The following PTAR1 variants were observed in gnomAD, a reference collection of about 807,000 sequenced individuals.
The protein encoded by PTAR1 is protein prenyltransferase alpha subunit repeat-containing protein 1.
In PTAR1, 17 loss-of-function variants were observed where a neutral mutation model predicts 45.5. That is an observed-to-expected ratio of 0.37 (90% CI 0.26 to 0.56). The LOEUF (loss-of-function observed/expected upper bound fraction) is 0.56. Among genes scored for constraint, PTAR1 ranks in the 20% least tolerant of loss-of-function variants. The pLI is 0.77. For synonymous variants in PTAR1, 169 were observed against 171.3 expected (o/e 0.99, Z 0.11); for missense variants, 391 against 476.3 (o/e 0.82, Z 1.67).
intron 3 of PTAR1, among the ~76,000 whole-genome samples, chr9:69,737,898 C>T (rs1825864912): frequency 6.6e-6 from 1 of 152,002 alleles, no homozygotes; most frequent in Non-Finnish European, 1.5e-5. Flanking sequence ...TCCCATATGC[C>T]CTGTACCTAG....
chr9:69,711,040 T>G lies in PTAR1; in HGVS notation c.*7302A>C, dbSNP rs1824503852. On this transcript the variant is annotated 3_prime_UTR_variant, in exon 8 of 8. Coordinates refer to ENST00000340434, the MANE Select transcript of PTAR1 (RefSeq NM_001099666.2). ...CACAAAATTCGAGTCAAAAAAAAAT[T>G]AGACGCTATTAAAATCATAACTGGC... 6.6e-6 allele frequency: 1 copy of G among 152,138 alleles called. No individual in the cohort carries two copies. Among genetic ancestry groups the G allele is most frequent in the African/African-American group, 2.4e-5 (1 of 41,452 alleles). 9.4% of individuals were successfully genotyped at this position (152,138 alleles called of 1,614,324 possible). A position where few individuals can be genotyped will look rare whatever the true frequency, so the allele number is the denominator to read the frequency against.
chr9:69,717,476 C>T lies in PTAR1; in HGVS notation c.*866G>A, dbSNP rs1824774365. On this transcript the variant is annotated 3_prime_UTR_variant, in exon 8 of 8. Coordinates refer to ENST00000340434, the MANE Select transcript of PTAR1 (RefSeq NM_001099666.2). ...TTCCTTTACTGCAATTACATAAACTCTTAAGTTAGTTTTTTCTTAAATAAC... is the reference window on the plus strand; with the variant it reads ...TTCCTTTACTGCAATTACATAAACTTTTAAGTTAGTTTTTTCTTAAATAAC... 1 of 152,030 alleles carries T rather than the reference C, an allele frequency of 6.6e-6. No individual in the cohort carries two copies. The highest frequency in any genetic ancestry group is 1.5e-5 in the Non-Finnish European group (1 of 68,014). The allele number at this position is 152,030 out of a possible 1,614,324, so 9.4% of individuals were successfully genotyped here. A position where few individuals can be genotyped will look rare whatever the true frequency, so the allele number is the denominator to read the frequency against.
Position 69,718,352 on chromosome 9 carries a change from A to C in PTAR1, c.1199T>G (p.Leu400Trp). 1 of 1,600,772 alleles carries C rather than the reference A, an allele frequency of 6.2e-7. No homozygotes were observed. Among genetic ancestry groups the C allele is most frequent in the Non-Finnish European group, 8.5e-7 (1 of 1,171,530 alleles). Residue 400 changes from leucine (L) to tryptophan (W), a missense_variant, in exon 8 of 8, where the codon TTG becomes TGG. By Grantham distance (61) the Leu-to-Trp change is moderately conservative (BLOSUM62 -2). Coordinates refer to ENST00000340434, the MANE Select transcript of PTAR1 (RefSeq NM_001099666.2). ...ACTAATTCACCTCTTTCATTGACTCAAAGTAACCAGCCATTTCCTGTATGC... is the reference window on the plus strand; with the variant it reads ...ACTAATTCACCTCTTTCATTGACTCCAAGTAACCAGCCATTTCCTGTATGC... Reference protein sequence around the residue: ...ASAYRKWLVTLSQ With the variant: ...ASAYRKWLVTWSQ
intron 5 of PTAR1, among the ~76,000 whole-genome samples, chr9:69,726,778 T>C: frequency 6.6e-6 from 1 of 152,074 alleles, no homozygotes; most frequent in East Asian, 1.9e-4. Flanking sequence ...CTTTTATGAA[T>C]TATCTAATTT....
At chr9:69,757,549 A>G (rs1462106785) in intron 1 of PTAR1, 2 of 152,188 alleles carry the variant, frequency 1.3e-5, no homozygotes, top group Admixed American at 6.5e-5. Context: ...AACAAAATCC[A>G]CATCTCACCA....
Position 69,723,365 on chromosome 9 carries a change from A to T in PTAR1, c.908T>A (p.Ile303Asn). Residue 303 changes from isoleucine to asparagine, a missense_variant, in exon 6 of 8, where the codon ATT (isoleucine) becomes AAT (asparagine). Ile to Asn is a moderately radical substitution (Grantham distance 149, BLOSUM62 -3). This residue lies in a region of PTAR1 where 181 missense variants were observed against 227.7 expected (regional missense o/e 0.80). Transcript: ENST00000340434. ...EEEVEFSTDL[I>N]DSYPGHETLW... ...GGTTTCATGTCCTGGGTAGGAATCA[A>T]TAAGATCAGTGCTGAATTCAACTTC... The T allele has an allele frequency of 6.2e-7, 1 of 1,613,910 alleles. No individual in the cohort carries two copies. Among genetic ancestry groups the T allele is most frequent in the Non-Finnish European group, 8.5e-7 (1 of 1,179,824 alleles).
intron 3 of PTAR1, among the ~76,000 whole-genome samples, chr9:69,738,184 T>C (rs1397185160): frequency 1.3e-5 from 2 of 152,224 alleles, no homozygotes; most frequent in Non-Finnish European, 2.9e-5. Context: ...ATAATGTTTT[T>C]CTCATCATTA....
chr9:69,734,316 G>A, intron 3 of PTAR1, 62 bp from the exon 4 acceptor site: 1 of 659,972 alleles, frequency 1.5e-6, no homozygotes, highest in Non-Finnish European at 2.3e-6. Context: ...ATATCCAAAG[G>A]TTCTACATGG....
rs868769409 is a variant in PTAR1, at chr9:69,711,478, A to T, written c.*6864T>A. On this transcript the variant is annotated 3_prime_UTR_variant, in exon 8 of 8. Coordinates refer to ENST00000340434, the MANE Select transcript of PTAR1 (RefSeq NM_001099666.2). Reference sequence around the variant, plus strand: ...TTCACAAAAAGTTCTTCCTCATGCCAAAGATGTTCTGAGAAAACAAGCAGA... The same window carrying T: ...TTCACAAAAAGTTCTTCCTCATGCCTAAGATGTTCTGAGAAAACAAGCAGA... 6.6e-6 allele frequency: 1 copy of T among 152,204 alleles called. No homozygotes were observed. The highest frequency in any genetic ancestry group is 1.9e-4 in the East Asian group (1 of 5,196). 9.4% of individuals were successfully genotyped at this position (152,204 alleles called of 1,614,324 possible).
intron 5 of PTAR1, among the ~76,000 whole-genome samples, chr9:69,724,867 C>T (rs1369964153): frequency 6.6e-6 from 1 of 152,236 alleles, no homozygotes; most frequent in East Asian, 1.9e-4. Flanking sequence ...AGATTACTTC[C>T]AGCCAAGATA....
chr9:69,743,280 T>C (rs1019187035), intron 2 of PTAR1, among the ~76,000 whole-genome samples: 4 of 152,186 alleles, frequency 2.6e-5, no homozygotes, highest in African/African-American at 7.2e-5. Flanking sequence ...AACATCAAAA[T>C]TGTTTCCAAC....
Position 69,716,956 on chromosome 9 carries a change from AAAG to A in PTAR1, c.*1383_*1385del, listed in dbSNP as rs1342623600. The A allele has an allele frequency of 2.0e-5, 3 of 152,186 alleles. No homozygotes were observed. Among genetic ancestry groups the A allele is most frequent in the Admixed American group, 2.0e-4 (3 of 15,262 alleles). The allele number at this position is 152,186 out of a possible 1,614,324, so 9.4% of individuals were successfully genotyped here. ...TGGATTGGCAAAACAAAGTATATGA[AAAG>A]AAGAAACAGACCACTTACAAAAGGG... On this transcript the variant is annotated 3_prime_UTR_variant, in exon 8 of 8. Transcript: ENST00000340434.
In PTAR1 at chr9:69,710,536, C is replaced by G. The variant is rs111747634; in HGVS notation, c.*7806G>C. ...CACTCTGGGGTACTAACTTGAACTC[C>G]CAGAAACCCATAAGCACACTCTGCA... On this transcript the variant is annotated 3_prime_UTR_variant, in exon 8 of 8. Transcript: ENST00000340434. 6 of 152,052 alleles carry G rather than the reference C, an allele frequency of 3.9e-5. No homozygotes were observed. Among genetic ancestry groups the G allele is most frequent in the South Asian group, 2.1e-4 (1 of 4,816 alleles). 9.4% of individuals were successfully genotyped at this position (152,052 alleles called of 1,614,324 possible). A position where few individuals can be genotyped will look rare whatever the true frequency, so the allele number is the denominator to read the frequency against.
rs140491351 is a variant in PTAR1 at position 69,729,707 on chromosome 9, C to T, written c.642+2432G>A. ...GCTAAGCAACTTCCTCAAGGCTACA[C>T]AGCAAATTGGTGGTAAAGCCAGAAT... is the stretch of plus-strand genomic sequence containing the variant. On this transcript the variant is annotated intron_variant, in intron 5 of 7. Coordinates refer to ENST00000340434, the MANE Select transcript of PTAR1 (RefSeq NM_001099666.2). Among the ~76,000 whole-genome samples the T allele has an allele frequency of 3.4e-3, 512 of 152,268 alleles. 1 individual carries two copies. Among genetic ancestry groups the T allele is most frequent in the African/African-American group, 0.011 (472 of 41,548 alleles).
At chr9:69,737,856 C>T (rs1369431901) in intron 3 of PTAR1, among the ~76,000 whole-genome samples, 3 of 152,048 alleles carry the variant, frequency 2.0e-5, no homozygotes, top group African/African-American at 2.4e-5. Context: ...GTTTCAGGTT[C>T]GTAAACAAGT....
intron 1 of PTAR1, among the ~76,000 whole-genome samples, chr9:69,751,484 C>G (rs1337140174): frequency 6.6e-6 from 1 of 151,882 alleles, no homozygotes; most frequent in Non-Finnish European, 1.5e-5. Flanking sequence ...AGCACAAATC[C>G]TTTTGTATAA....
chr9:69,734,324 T>A, intron 3 of PTAR1, 70 bp from the exon 4 acceptor site: 2 of 674,844 alleles, frequency 3.0e-6, no homozygotes, highest in Non-Finnish European at 4.6e-6. Flanking sequence ...AGGTTCTACA[T>A]GGCTTTTAAT....
At chr9:69,722,359 G>C (rs747486145) in intron 6 of PTAR1, among the ~76,000 whole-genome samples, 10 of 152,168 alleles carry the variant, frequency 6.6e-5, no homozygotes, top group Admixed American at 6.5e-5. Context: ...ATGAAGCTGG[G>C]AAGGGGTCAC....
chr9:69,723,599 T>A lies in PTAR1; in HGVS notation c.674A>T (p.His225Leu). The change falls in exon 6 of 8, where the codon CAT becomes CTT. Residue 225 changes from histidine to leucine, a missense_variant. This residue lies in a region of PTAR1 where 181 missense variants were observed against 227.7 expected (regional missense o/e 0.80). Coordinates refer to ENST00000340434, the MANE Select transcript of PTAR1 (RefSeq NM_001099666.2). Reference protein sequence around the residue: ...ILLDELSSTKHWASMHVSDHS... With the variant: ...ILLDELSSTKLWASMHVSDHS... ...GTCTGAAACGTGCATAGATGCCCAATGTTTAGTAGAAGATAGTTCATCAAG... is the reference window on the plus strand; with the variant it reads ...GTCTGAAACGTGCATAGATGCCCAAAGTTTAGTAGAAGATAGTTCATCAAG... 3 of 1,613,312 alleles carry A rather than the reference T, an allele frequency of 1.9e-6. No individual in the cohort carries two copies. The highest frequency in any genetic ancestry group is 2.5e-6 in the Non-Finnish European group (3 of 1,179,458).
Sources: gnomAD v4.1 joint callset for allele counts (sites outside exome capture counted in the v4.1 genomes callset) on GRCh38, gnomAD v4.1.1 for gene constraint, gnomAD v4.1.1 regional missense constraint, MANE v1.5 for transcripts, NCBI Gene and HGNC (gene_info 2026-07-23, HGNC 2026-07-21) for gene names.